EED: variants seen among roughly 807,000 people sequenced by gnomAD.
The protein encoded by EED is polycomb protein EED.
Under a neutral mutation model 61.0 loss-of-function variants are expected in EED, and 9 were observed. The observed-to-expected ratio is 0.15, with a 90% CI of 0.09 to 0.26. The LOEUF (loss-of-function observed/expected upper bound fraction) is 0.26, where lower values mean the gene tolerates loss of function less well. Among genes scored for constraint, EED ranks in the 10% least tolerant of loss-of-function variants. The pLI is 1.00. For synonymous variants in EED, 187 were observed against 174.4 expected, an observed-to-expected ratio of 1.07 and a Z score of -0.57; for missense variants, 315 against 542.3, an observed-to-expected ratio of 0.58 and a Z score of 4.16.
In EED at chr11:86,256,610, A is replaced by C. The variant is rs552803691; in HGVS notation, c.552+98A>C. 3.3e-6 allele frequency: 4 copies of C among 1,205,682 alleles called. No individual in the cohort carries two copies. The Admixed American group carries it at 1.3e-4, about 38-fold the overall frequency. 74.7% of individuals were successfully genotyped at this position (1,205,682 alleles called of 1,614,324 possible). ...TTAAAACTAATGGTATGAATGTAAC[A>C]TTTCTCATTTGATTTGTACTTTTCT... On this transcript the variant is annotated intron_variant, in intron 5 of 11. Coordinates refer to ENST00000263360, the MANE Select transcript of EED (RefSeq NM_003797.5).
intron 3 of EED, among the ~76,000 whole-genome samples, chr11:86,253,112 C>A (rs1945576653): frequency 6.6e-6 from 1 of 152,168 alleles, no homozygotes. Context: ...AAGGTCAATT[C>A]ATTGAAACTC....
intron 6 of EED, chr11:86,263,802 G>A (rs2138189429): frequency 6.2e-6 from 1 of 162,318 alleles, no homozygotes; most frequent in East Asian, 1.8e-4. Flanking sequence ...AAAAGGGCAG[G>A]AGAGGGTGTG....
rs569702903 is a variant in EED, at chr11:86,260,557, C to T, written c.634+2961C>T. ...TATTAATGTTTAATATAACATTGCT[C>T]AAATTATAGCTGCATAATTTTTGAA... On this transcript the variant is annotated intron_variant, in intron 6 of 11. Transcript: ENST00000263360. Among the ~76,000 whole-genome samples, 26 of 152,218 alleles carry T rather than the reference C, an allele frequency of 1.7e-4. No homozygotes were observed. The Middle Eastern group carries it at 0.027, about 159-fold the overall frequency.
downstream of EED, among the ~76,000 whole-genome samples, chr11:86,281,638 G>T (rs1232165162): frequency 6.6e-6 from 1 of 152,004 alleles, no homozygotes; most frequent in Non-Finnish European, 1.5e-5. Flanking sequence ...TTGTCTCAAG[G>T]TATCTTTATA....
intron 9 of EED, among the ~76,000 whole-genome samples, chr11:86,274,716 C>G (rs1273139030): frequency 6.6e-6 from 1 of 152,178 alleles, no homozygotes; most frequent in Non-Finnish European, 1.5e-5. Flanking sequence ...TCCATTTACA[C>G]TCTGGGTAGT....
chr11:86,280,658 A>T (rs917672168), downstream of EED, among the ~76,000 whole-genome samples: 5 of 152,242 alleles, frequency 3.3e-5, no homozygotes, highest in African/African-American at 1.2e-4. Flanking sequence ...ACCATTGTGT[A>T]TATTTATAGG....
intron 9 of EED, among the ~76,000 whole-genome samples, chr11:86,271,865 A>G (rs1277014673): frequency 6.8e-6 from 1 of 147,436 alleles, no homozygotes; most frequent in Admixed American, 6.7e-5. Context: ...AATTTTTTGT[A>G]TTGCTGAGTT....
At chr11:86,264,486 C>T (rs1593751524) in intron 7 of EED, 1 of 358,074 alleles carries the variant, frequency 2.8e-6, no homozygotes, top group East Asian at 4.2e-5. Flanking sequence ...ATACCAATCC[C>T]TGGAGTCTTA....
chr11:86,252,744 A>ATTG (rs377482360), intron 3 of EED, among the ~76,000 whole-genome samples: 72 of 151,286 alleles, frequency 4.8e-4, no homozygotes, highest in African/African-American at 1.5e-3. Context: ...TTTGGTGGTG[A>ATTG]TTGTTGTTGT....
intron 1 of EED, 138 bp from the exon 2 acceptor site, chr11:86,250,158 T>G (rs991336086): frequency 1.4e-6 from 1 of 706,430 alleles, no homozygotes; most frequent in Non-Finnish European, 2.1e-6. Flanking sequence ...TTTATCCTTA[T>G]GTGGAGGCAA....
intron 6 of EED, 133 bp downstream of exon 6, chr11:86,257,729 A>G: frequency 1.6e-6 from 1 of 629,280 alleles, no homozygotes; most frequent in Non-Finnish European, 2.5e-6. Context: ...TCTGATAATA[A>G]AAACTCACAA....
At chr11:86,276,806 T>G (rs1304424406) in intron 9 of EED, 174 bp from the exon 10 acceptor site, 1 of 425,312 alleles carries the variant, frequency 2.4e-6, no homozygotes, top group Non-Finnish European at 4.0e-6. Flanking sequence ...TTCTTGTCCT[T>G]AAGTATGGTC....
intron 7 of EED, 185 bp from the exon 8 acceptor site, chr11:86,265,898 A>G: frequency 2.3e-6 from 1 of 429,124 alleles, no homozygotes; most frequent in Non-Finnish European, 4.1e-6. Flanking sequence ...ATGTTGACAA[A>G]CTAATTAAAG....
chr11:86,252,325 T>G, intron 3 of EED, 85 bp downstream of exon 3: 1 of 982,500 alleles, frequency 1.0e-6, no homozygotes, highest in Non-Finnish European at 1.5e-6. Flanking sequence ...AATTTCAAAG[T>G]GCATTTTGTG....
At chr11:86,267,506 G>T (rs1305444587) in intron 8 of EED, among the ~76,000 whole-genome samples, 1 of 152,092 alleles carries the variant, frequency 6.6e-6, no homozygotes, top group East Asian at 1.9e-4. Flanking sequence ...AGCTTGTTTT[G>T]TTTCTTCTCA....
intron 1 of EED, among the ~76,000 whole-genome samples, chr11:86,246,015 G>A (rs556618649): frequency 1.3e-5 from 2 of 152,294 alleles, no homozygotes; most frequent in South Asian, 4.1e-4. Context: ...AGGTGAGGGG[G>A]GTGGCGACCT....
chr11:86,245,122 GGCGGCGGCA>G lies in EED; in HGVS notation c.-102_-94del. 1.3e-6 allele frequency: 1 copy of G among 789,236 alleles called. No homozygotes were observed. The highest frequency in any genetic ancestry group is 2.0e-6 in the Non-Finnish European group (1 of 501,942). The allele number at this position is 789,236 out of a possible 1,614,324, so 48.9% of individuals were successfully genotyped here. On this transcript the variant is annotated 5_prime_UTR_variant, in exon 1 of 12. Coordinates refer to ENST00000263360, the MANE Select transcript of EED (RefSeq NM_003797.5). ...CGACAGTGGGGGGGGCGGTGGAGGT[GGCGGCGGCA>G]GCGGCAACTTTGCGGCAAGCTCGGG...
At chr11:86,258,642 G>C (rs556694888) in intron 6 of EED, among the ~76,000 whole-genome samples, 1 of 147,518 alleles carries the variant, frequency 6.8e-6, no homozygotes, top group South Asian at 2.1e-4. Context: ...TGCAACCTCT[G>C]CCTCCCGGGT....
chr11:86,268,389 A>G (rs1946034225), intron 8 of EED, 67 bp from the exon 9 acceptor site: 6 of 1,075,376 alleles, frequency 5.6e-6, no homozygotes, highest in Non-Finnish European at 8.0e-6. Flanking sequence ...AAATCCAAAA[A>G]TGAAAAAGAG....
Sources: allele counts gnomAD v4.1 joint callset (sites outside exome capture counted in the v4.1 genomes callset), GRCh38; gene constraint gnomAD v4.1.1; transcripts MANE v1.5; gene names NCBI Gene and HGNC (gene_info 2026-07-23, HGNC 2026-07-21).